The following CUX1 variants were observed in gnomAD, a reference collection of about 807,000 sequenced individuals.
CUX1 encodes cut like homeobox 1.
CUX1 carries 31 observed loss-of-function variants against 158.8 expected under a neutral mutation model. That is an observed-to-expected ratio of 0.20 (90% CI 0.15 to 0.26). The LOEUF (loss-of-function observed/expected upper bound fraction) is 0.26. CUX1 is among the 10% of genes least tolerant of loss of function. CUX1 has a pLI of 1.00. For missense variants in CUX1, 1,589 were observed against 2,014.6 expected (o/e 0.79, Z 4.04); for synonymous variants, 879 against 862.1 (o/e 1.02, Z -0.34).
chr7:101,881,639 G>A (rs990259801), intron 1 of CUX1, among the ~76,000 whole-genome samples: 5 of 152,102 alleles, frequency 3.3e-5, no homozygotes, highest in Admixed American at 6.5e-5. Context: ...ATTTTCTGAC[G>A]CCACCGATTT....
intron 22 of CUX1, among the ~76,000 whole-genome samples, chr7:102,235,510 C>T (rs1554532341): frequency 6.6e-6 from 1 of 152,054 alleles, no homozygotes; most frequent in Non-Finnish European, 1.5e-5. Context: ...AGACCAGCCT[C>T]AGCAACATAG....
chr7:101,885,147 T>G (rs1157627950), intron 1 of CUX1, among the ~76,000 whole-genome samples: 1 of 152,122 alleles, frequency 6.6e-6, no homozygotes, highest in Admixed American at 6.6e-5. Context: ...TTGGCGGGAG[T>G]CTGGGAGGAA....
At chr7:102,190,665 C>G (rs2131904899) in intron 12 of CUX1, among the ~76,000 whole-genome samples, 1 of 152,324 alleles carries the variant, frequency 6.6e-6, no homozygotes, top group East Asian at 1.9e-4. Context: ...GTGACCAGCC[C>G]CACAGGTCCC....
chr7:101,977,796 A>AT (rs1351058893), intron 2 of CUX1, among the ~76,000 whole-genome samples: 1 of 152,134 alleles, frequency 6.6e-6, no homozygotes, highest in East Asian at 1.9e-4. Flanking sequence ...AAATAAATAA[A>AT]AAAGATTCCT....
At chr7:102,216,627 A>ACC (rs1554524769) in intron 20 of CUX1, among the ~76,000 whole-genome samples, 1 of 96,508 alleles carries the variant, frequency 1.0e-5, no homozygotes, top group South Asian at 3.9e-4. Context: ...CCCCACACAC[A>ACC]CACCCCCACA....
At chr7:102,063,153 C>G (rs1006768767) in intron 3 of CUX1, among the ~76,000 whole-genome samples, 4 of 151,194 alleles carry the variant, frequency 2.6e-5, no homozygotes, top group South Asian at 4.2e-4. Context: ...AAAACTCAGC[C>G]TTATGAAAGT....
intron 2 of CUX1, among the ~76,000 whole-genome samples, chr7:101,949,864 C>T (rs1363472958): frequency 6.6e-6 from 1 of 151,812 alleles, no homozygotes; most frequent in Non-Finnish European, 1.5e-5. Flanking sequence ...CAGTGGTCCT[C>T]AGGCCCAATC....
At chr7:101,978,937 T>C (rs1256771407) in intron 2 of CUX1, among the ~76,000 whole-genome samples, 1 of 152,180 alleles carries the variant, frequency 6.6e-6, no homozygotes, top group Non-Finnish European at 1.5e-5. Context: ...CGGGGTATCA[T>C]AGGTGCACAG....
chr7:101,817,598 G>T, upstream of CUX1: 2 of 1,534,072 alleles, frequency 1.3e-6, no homozygotes, highest in Non-Finnish European at 1.8e-6. This position sits in a 1 kb window ranked among gnomAD's most constrained non-coding sequence, Gnocchi z 4.1. Flanking sequence ...TGCCAGCTCG[G>T]CGCCCGCGGC....
At chr7:102,122,052 T>C (rs1173005120) in intron 8 of CUX1, among the ~76,000 whole-genome samples, 1 of 152,162 alleles carries the variant, frequency 6.6e-6, no homozygotes, top group Admixed American at 6.6e-5. Context: ...TAGAGCCCGG[T>C]TGAGTAAACC....
At chr7:101,898,423 C>T (rs906539900) in intron 1 of CUX1, among the ~76,000 whole-genome samples, 2 of 152,090 alleles carry the variant, frequency 1.3e-5, no homozygotes, top group African/African-American at 2.4e-5. Context: ...TGGCAGCCGC[C>T]GGGACGGGGA....
chr7:101,845,704 C>T (rs1356933508), intron 1 of CUX1, among the ~76,000 whole-genome samples: 2 of 152,196 alleles, frequency 1.3e-5, no homozygotes, highest in African/African-American at 2.4e-5. Flanking sequence ...ACAGTGGTAT[C>T]ACCTGGGAGC....
exon 23 of CUX1, chr7:102,283,382 C>T: frequency 2.3e-6 from 1 of 443,652 alleles, no homozygotes. Context: ...GACCTCTAGC[C>T]CTGGTGGCAG....
intron 2 of CUX1, among the ~76,000 whole-genome samples, chr7:101,946,565 AG>A: frequency 2.1e-5 from 3 of 142,894 alleles, no homozygotes; most frequent in Admixed American, 7.0e-5. Context: ...AAAAAAAAAA[AG>A]AGAGAAGGGT....
chr7:101,906,974 C>G (rs1287916596), intron 1 of CUX1, among the ~76,000 whole-genome samples: 2 of 152,168 alleles, frequency 1.3e-5, no homozygotes, highest in East Asian at 1.9e-4. Flanking sequence ...CGAGATGCCC[C>G]CTCTGGCCCA....
At chr7:102,232,837 G>A (rs1400527247) in intron 21 of CUX1, among the ~76,000 whole-genome samples, 2 of 152,150 alleles carry the variant, frequency 1.3e-5, no homozygotes, top group Non-Finnish European at 2.9e-5. Context: ...AAGGGGTTTT[G>A]ATCCACTTCC....
intron 9 of CUX1, among the ~76,000 whole-genome samples, chr7:102,167,878 G>T (rs1791225555): frequency 1.3e-5 from 2 of 151,968 alleles, no homozygotes; most frequent in South Asian, 4.2e-4. Context: ...AGGAGTTCAA[G>T]ACCAGCCTGG....
intron 22 of CUX1, among the ~76,000 whole-genome samples, chr7:102,238,645 C>T (rs911740982): frequency 2.6e-5 from 4 of 152,116 alleles, no homozygotes; most frequent in African/African-American, 7.2e-5. Context: ...GGTGGCTTGC[C>T]GCCCACACCC....
chr7:101,981,675 C>A (rs1248322537), intron 2 of CUX1, among the ~76,000 whole-genome samples: 2 of 151,592 alleles, frequency 1.3e-5, no homozygotes, highest in Non-Finnish European at 2.9e-5. Context: ...TACAGCAGTG[C>A]GATCTCGGCT....
Sources: allele counts gnomAD v4.1 joint callset (sites outside exome capture counted in the v4.1 genomes callset), GRCh38; gene constraint gnomAD v4.1.1; non-coding constraint Gnocchi (gnomAD v3.1); transcripts MANE v1.5; gene names NCBI Gene and HGNC (gene_info 2026-07-23, HGNC 2026-07-21).